Variants in USF1 observed in about 807,000 individuals in gnomAD.
USF1 encodes the protein upstream stimulatory factor 1.
In USF1, 22 loss-of-function variants were observed where a neutral mutation model predicts 46.3. The observed-to-expected ratio is 0.47, with a 90% CI of 0.34 to 0.68. USF1 has a LOEUF of 0.68. Among genes scored for constraint, USF1 ranks in the 30% least tolerant of loss-of-function variants. USF1 has a pLI of 0.01. For missense variants in USF1, 287 were observed against 399.3 expected, an observed-to-expected ratio of 0.72 and a Z score of 2.40; for synonymous variants, 150 against 147.0, an observed-to-expected ratio of 1.02 and a Z score of -0.15.
intron 1 of USF1, 24 bp from the exon 2 acceptor site, chr1:161,043,384 A>C: frequency 6.3e-7 from 1 of 1,574,834 alleles, no homozygotes; most frequent in Non-Finnish European, 8.7e-7. Context: ...TGAAGTTTGC[A>C]ATGAGTTTAG....
In USF1 at chr1:161,040,158, G is replaced by T. The variant is rs754896462; in HGVS notation, c.843+44C>A. The T allele has an allele frequency of 6.2e-7, 1 of 1,612,002 alleles. No homozygotes were observed. The highest frequency in any genetic ancestry group is 1.1e-5 in the South Asian group (1 of 90,978). ...TAGAGGGTGTCAAACTGGGTCAGTG[G>T]CTAGCAGAACTGAGAAGGGCTGCAC... On this transcript the variant is annotated intron_variant, in intron 10 of 10. Transcript: ENST00000368021. This position sits in a 1 kb window ranked among gnomAD's most constrained non-coding sequence, Gnocchi z 4.0.
intron 2 of USF1, 139 bp from the exon 3 acceptor site, chr1:161,043,021 C>T (rs1414395907): frequency 7.7e-7 from 1 of 1,297,150 alleles, no homozygotes; most frequent in Non-Finnish European, 1.1e-6. Flanking sequence ...CTAGTGTTTA[C>T]TGTTTACTAT....
chr1:161,043,782 C>G (rs1051909538), intron 1 of USF1, among the ~76,000 whole-genome samples: 1 of 151,334 alleles, frequency 6.6e-6, no homozygotes, highest in Non-Finnish European at 1.5e-5. Context: ...CACCACCACG[C>G]CTGGCTAATT....
rs1393995483 is a variant in USF1 at position 161,045,906 on chromosome 1, C to T, written c.-134G>A. ...GATTTTCTCCAACTGTGTTCTCCCT[C>T]TCCCGGCCTAGGTATCTCCATAGAC... On this transcript the variant is annotated 5_prime_UTR_variant, in exon 1 of 11. Transcript: ENST00000368021. The T allele has an allele frequency of 6.6e-6, 1 of 152,424 alleles. No homozygotes were observed. The highest frequency in any genetic ancestry group is 2.4e-5 in the African/African-American group (1 of 41,480). 9.4% of individuals were successfully genotyped at this position (152,424 alleles called of 1,614,324 possible). A position where few individuals can be genotyped will look rare whatever the true frequency, so the allele number is the denominator to read the frequency against.
Position 161,040,579 on chromosome 1 carries a change from G to A in USF1, c.711C>T (p.Gly237=), listed in dbSNP as rs774690632. The change falls in exon 9 of 11, where the codon GGC becomes GGT. Residue 237 remains glycine, a synonymous_variant. Transcript: ENST00000368021. This position sits in a 1 kb window ranked among gnomAD's most constrained non-coding sequence, Gnocchi z 4.0. ...ACTACCAGGGTCTTTCCATGACCTG[G>A]CCAGACTTGGTGCTCTCCATAGAGC... ...PDCSMESTKS[G]QSKGGILSKA... The A allele has an allele frequency of 1.2e-6, 2 of 1,612,182 alleles. No individual in the cohort carries two copies. Among genetic ancestry groups the A allele is most frequent in the South Asian group, 1.1e-5 (1 of 91,050 alleles).
intron 1 of USF1, among the ~76,000 whole-genome samples, chr1:161,045,406 A>T (rs971932482): frequency 5.9e-5 from 9 of 152,228 alleles, no homozygotes; most frequent in African/African-American, 1.9e-4. Flanking sequence ...TCCCGAAAGA[A>T]GTCAGGCACC....
chr1:161,041,642 A>G lies in USF1; in HGVS notation c.472+9T>C. 1 of 1,602,442 alleles carries G rather than the reference A, an allele frequency of 6.2e-7. No homozygotes were observed. Among genetic ancestry groups the G allele is most frequent in the African/African-American group, 1.3e-5 (1 of 74,806 alleles). ...CCCTTTCAGCCAGCATCCTCATGCAATATCTCACCAGTGCCAGGAGGGGTC... is the reference window on the plus strand; with the variant it reads ...CCCTTTCAGCCAGCATCCTCATGCAGTATCTCACCAGTGCCAGGAGGGGTC... On this transcript the variant is annotated intron_variant, in intron 6 of 10. Transcript: ENST00000368021.
Position 161,040,662 on chromosome 1 carries a change from G to T in USF1, c.628C>A (p.Arg210Ser). ...CAGTTGTTGATCTTGTCTCGGCGGCGACGCTCCACTGTGGGGCAAAGTGGA... is the reference window on the plus strand; with the variant it reads ...CAGTTGTTGATCTTGTCTCGGCGGCTACGCTCCACTGTGGGGCAAAGTGGA... ...RRAQHNEVER[R>S]RRDKINNWIV... The change falls in exon 9 of 11, where the codon CGC becomes AGC. Residue 210 changes from arginine (R) to serine (S), a missense_variant. Arg to Ser is a moderately radical substitution (Grantham distance 110). Coordinates refer to ENST00000368021, the MANE Select transcript of USF1 (RefSeq NM_007122.5). The surrounding 1 kb of genome is among the most constrained non-coding windows in gnomAD (Gnocchi z 4.0). 6.2e-7 allele frequency: 1 copy of T among 1,610,586 alleles called. No homozygotes were observed.
Position 161,045,320 on chromosome 1 carries a change from T to C in USF1, c.-86+538A>G, listed in dbSNP as rs547452696. Among the ~76,000 whole-genome samples, 20 of 152,250 alleles carry C rather than the reference T, an allele frequency of 1.3e-4. 1 individual carries two copies. Among genetic ancestry groups the C allele is most frequent in the African/African-American group, 4.1e-4 (17 of 41,536 alleles). On this transcript the variant is annotated intron_variant, in intron 1 of 10. Coordinates refer to ENST00000368021, the MANE Select transcript of USF1 (RefSeq NM_007122.5). ...ACACGGAAACAGGGATGGGACGTTG[T>C]GGTGTGCACGCTCAGGCCAGAAGGG...
In USF1 at chr1:161,045,922, C is replaced by T. The variant is rs1490940046; in HGVS notation, c.-150G>A. The stretch of plus-strand genomic sequence containing the variant: ...GTTCTCCCTCTCCCGGCCTAGGTAT[C>T]TCCATAGACAGCTGCTCATGCGCAC... On this transcript the variant is annotated 5_prime_UTR_variant, in exon 1 of 11. Transcript: ENST00000368021. The T allele has an allele frequency of 6.6e-6, 1 of 152,342 alleles. No homozygotes were observed. Among genetic ancestry groups the T allele is most frequent in the Non-Finnish European group, 1.5e-5 (1 of 68,108 alleles). 9.4% of individuals were successfully genotyped at this position (152,342 alleles called of 1,614,324 possible).
At position 161,042,344 on chromosome 1, in the gene USF1, T is replaced by C. The variant is rs1650602078; in HGVS notation, c.175-127A>G. ...AAACAAAGTCCTTCAGAGACATGGATTCAGCCATTCTCCCTTCTTTCCCCA... is the reference window on the plus strand; with the variant it reads ...AAACAAAGTCCTTCAGAGACATGGACTCAGCCATTCTCCCTTCTTTCCCCA... On this transcript the variant is annotated intron_variant, in intron 4 of 10. Transcript: ENST00000368021. 2.8e-6 allele frequency: 3 copies of C among 1,088,990 alleles called. No homozygotes were observed. In the East Asian group the frequency reaches 7.8e-5, roughly 28 times the overall value. The allele number at this position is 1,088,990 out of a possible 1,614,324, so 67.5% of individuals were successfully genotyped here.
In USF1 at chr1:161,040,296, T is replaced by C; in HGVS notation, c.749A>G (p.Tyr250Cys). Residue 250 changes from tyrosine to cysteine, a missense_variant, in exon 10 of 11, where the codon TAT (tyrosine) becomes TGT (cysteine). Coordinates refer to ENST00000368021, the MANE Select transcript of USF1 (RefSeq NM_007122.5). This position sits in a 1 kb window ranked among gnomAD's most constrained non-coding sequence, Gnocchi z 4.0. ...GTTACTCTGCCGAAGCTCCTGGATA[T>C]AATCACAAGCTTTGGATAGAATCCC... Reference protein sequence around the residue: ...KGGILSKACDYIQELRQSNHR... With the variant: ...KGGILSKACDCIQELRQSNHR... 9 of 1,614,176 alleles carry C rather than the reference T, an allele frequency of 5.6e-6. No individual in the cohort carries two copies. Among genetic ancestry groups the C allele is most frequent in the Non-Finnish European group, 7.6e-6 (9 of 1,180,036 alleles).
Position 161,039,390 on chromosome 1 carries a change from A to G in USF1, c.*530T>C, listed in dbSNP as rs994960835. 4 of 160,676 alleles carry G rather than the reference A, an allele frequency of 2.5e-5. No homozygotes were observed. Among genetic ancestry groups the G allele is most frequent in the Non-Finnish European group, 5.3e-5 (4 of 74,846 alleles). The allele number at this position is 160,676 out of a possible 1,614,324, so 10.0% of individuals were successfully genotyped here. On this transcript the variant is annotated 3_prime_UTR_variant, in exon 11 of 11. Coordinates refer to ENST00000368021, the MANE Select transcript of USF1 (RefSeq NM_007122.5). ...TCTCTCTGGCTCCAGAGATGTCTGC[A>G]TAGGCCTCAGCTTCTCACTGGCCAA...
Position 161,043,375 on chromosome 1 carries a change from G to T in USF1, c.-85-15C>A. On this transcript the variant is annotated splice_polypyrimidine_tract_variant and intron_variant, in intron 1 of 10. Coordinates refer to ENST00000368021, the MANE Select transcript of USF1 (RefSeq NM_007122.5). The stretch of plus-strand genomic sequence containing the variant: ...AGTGCTAAGTCCTGGTAGAAATCAT[G>T]AAGTTTGCAATGAGTTTAGGAAACA... 1 of 1,591,478 alleles carries T rather than the reference G, an allele frequency of 6.3e-7. No individual in the cohort carries two copies.
chr1:161,043,028 C>T, intron 2 of USF1, 146 bp from the exon 3 acceptor site: 1 of 1,270,458 alleles, frequency 7.9e-7, no homozygotes, highest in South Asian at 1.2e-5. Context: ...TTACTGTTTA[C>T]TATGTACATA....
chr1:161,045,495 G>A (rs904629369), intron 1 of USF1, among the ~76,000 whole-genome samples: 4 of 152,224 alleles, frequency 2.6e-5, no homozygotes, highest in African/African-American at 9.6e-5. Context: ...CGCCCGCCAG[G>A]CGCGAGCCCG....
At chr1:161,041,623 C>A in intron 6 of USF1, 28 bp downstream of exon 6, 1 of 1,590,770 alleles carries the variant, frequency 6.3e-7, no homozygotes, top group African/African-American at 1.3e-5. Context: ...CTAGCCCTTT[C>A]AGCCAGCATC....
chr1:161,040,112 CCTT>C lies in USF1; in HGVS notation c.843+87_843+89del, dbSNP rs1424865944. 1 of 1,608,338 alleles carries C rather than the reference CCTT, an allele frequency of 6.2e-7. No individual in the cohort carries two copies. The highest frequency in any genetic ancestry group is 8.5e-7 in the Non-Finnish European group (1 of 1,176,026). ...CACTGGTGAGGGGGAAAAGATGAAG[CCTT>C]CTCCATGGAGAACAAAGTAGAGGGT... On this transcript the variant is annotated intron_variant, in intron 10 of 10. Transcript: ENST00000368021. The surrounding 1 kb of genome is among the most constrained non-coding windows in gnomAD (Gnocchi z 4.0).
In USF1 at chr1:161,042,818, G is replaced by C. The variant is rs1650626948; in HGVS notation, c.58+15C>G. On this transcript the variant is annotated intron_variant, in intron 3 of 10. Transcript: ENST00000368021. ...ATGATGGGTTCTTAGTCTTGGTTCT[G>C]TTTCTAGCACTCACCTTCCTGAATC... 1 of 1,614,066 alleles carries C rather than the reference G, an allele frequency of 6.2e-7. No individual in the cohort carries two copies. The highest frequency in any genetic ancestry group is 1.3e-5 in the African/African-American group (1 of 74,918).
Sources: gnomAD v4.1 joint callset for allele counts (sites outside exome capture counted in the v4.1 genomes callset) on GRCh38, gnomAD v4.1.1 for gene constraint, Gnocchi (gnomAD v3.1) non-coding constraint, MANE v1.5 for transcripts, NCBI Gene and HGNC (gene_info 2026-07-23, HGNC 2026-07-21) for gene names.